TSPAN18: variants seen among roughly 807,000 people sequenced by gnomAD.
TSPAN18 encodes tetraspanin 18.
In TSPAN18, 14 loss-of-function variants were observed where a neutral mutation model predicts 27.3. That is an observed-to-expected ratio of 0.51 (90% CI 0.34 to 0.80). The LOEUF (loss-of-function observed/expected upper bound fraction) is 0.80. Among genes scored for constraint, TSPAN18 ranks in the 30% least tolerant of loss-of-function variants. TSPAN18 has a pLI of 0.01. For missense variants in TSPAN18, 268 were observed against 323.9 expected (o/e 0.83, Z 1.32); for synonymous variants, 143 against 136.5 (o/e 1.05, Z -0.33).
chr11:44,896,887 C>A (rs904322273), intron 3 of TSPAN18, among the ~76,000 whole-genome samples: 1 of 152,146 alleles, frequency 6.6e-6, no homozygotes, highest in Non-Finnish European at 1.5e-5. Context: ...ACTCAGTGTA[C>A]GTCTACTGAG....
At chr11:44,742,168 G>A (rs543775331) in intron 1 of TSPAN18, among the ~76,000 whole-genome samples, 6 of 151,944 alleles carry the variant, frequency 3.9e-5, no homozygotes, top group African/African-American at 1.4e-4. Context: ...GGCCTTTTCC[G>A]TTGTATGGAA....
chr11:44,886,938 G>A (rs949324265), intron 3 of TSPAN18, among the ~76,000 whole-genome samples: 6 of 152,184 alleles, frequency 3.9e-5, no homozygotes, highest in African/African-American at 9.7e-5. Context: ...TTGTTTGCAC[G>A]TGTCTCTGTG....
chr11:44,805,813 C>A (rs1007626238), intron 2 of TSPAN18, among the ~76,000 whole-genome samples: 1 of 152,112 alleles, frequency 6.6e-6, no homozygotes, highest in Non-Finnish European at 1.5e-5. Flanking sequence ...TTTGGCATTC[C>A]GTGGTTTGTA....
At chr11:44,791,612 G>A (rs560131965) in intron 2 of TSPAN18, among the ~76,000 whole-genome samples, 1 of 152,176 alleles carries the variant, frequency 6.6e-6, no homozygotes, top group African/African-American at 2.4e-5. Context: ...TCTGTGGACT[G>A]TCTCCTCCTC....
chr11:44,895,572 A>T (rs760172369), intron 3 of TSPAN18, among the ~76,000 whole-genome samples: 12 of 152,184 alleles, frequency 7.9e-5, no homozygotes, highest in Non-Finnish European at 1.8e-4. Flanking sequence ...GAGGACAAAG[A>T]AAAAAAGGGA....
chr11:44,814,761 G>A (rs192675525), intron 2 of TSPAN18, among the ~76,000 whole-genome samples: 6 of 152,294 alleles, frequency 3.9e-5, no homozygotes, highest in Admixed American at 3.9e-4. Context: ...AGGAGTACAA[G>A]CTATGAACAG....
At chr11:44,768,023 G>A (rs113730232) in intron 2 of TSPAN18, among the ~76,000 whole-genome samples, 128 of 152,294 alleles carry the variant, frequency 8.4e-4, no homozygotes, top group African/African-American at 3.0e-3. Flanking sequence ...AACTCTTAAA[G>A]TTGGGTAGTG....
chr11:44,867,119 A>G (rs1047879356), intron 3 of TSPAN18, among the ~76,000 whole-genome samples: 1 of 152,188 alleles, frequency 6.6e-6, no homozygotes, highest in Non-Finnish European at 1.5e-5. Context: ...TCCTCAGACC[A>G]GCATCACCAG....
chr11:44,774,646 T>A (rs989359941), intron 2 of TSPAN18, among the ~76,000 whole-genome samples: 1 of 152,168 alleles, frequency 6.6e-6, no homozygotes, highest in Non-Finnish European at 1.5e-5. Context: ...TCTTCCCTCC[T>A]TATTTCCCTC....
chr11:44,769,039 C>G (rs986483078), intron 2 of TSPAN18, among the ~76,000 whole-genome samples: 4 of 151,996 alleles, frequency 2.6e-5, no homozygotes, highest in East Asian at 3.9e-4. Flanking sequence ...AGATTACAGG[C>G]GCATGCTACC....
chr11:44,908,774 A>AGAAAGAAG (rs1859569559), intron 4 of TSPAN18, among the ~76,000 whole-genome samples: 1 of 92,636 alleles, frequency 1.1e-5, no homozygotes, highest in African/African-American at 4.8e-5. Context: ...GAAAGGAGAA[A>AGAAAGAAG]GAAAGAAAGA....
chr11:44,780,869 C>T (rs1855921936), intron 2 of TSPAN18, among the ~76,000 whole-genome samples: 1 of 152,172 alleles, frequency 6.6e-6, no homozygotes. Flanking sequence ...AAAACAGGGC[C>T]CCACAACTTG....
chr11:44,833,544 T>G (rs1203390953), intron 2 of TSPAN18, among the ~76,000 whole-genome samples: 1 of 152,220 alleles, frequency 6.6e-6, no homozygotes, highest in African/African-American at 2.4e-5. Context: ...AGAATCGTTA[T>G]TTGAATGATT....
intron 2 of TSPAN18, among the ~76,000 whole-genome samples, chr11:44,776,073 G>A (rs1855799891): frequency 6.6e-6 from 1 of 152,190 alleles, no homozygotes; most frequent in Non-Finnish European, 1.5e-5. Flanking sequence ...GGGGCGTCTG[G>A]GCACACTGTT....
chr11:44,876,722 T>C (rs1437989106), intron 3 of TSPAN18, among the ~76,000 whole-genome samples: 2 of 152,212 alleles, frequency 1.3e-5, no homozygotes, highest in Admixed American at 1.3e-4. Context: ...AAAATAGAAA[T>C]CATTTGAGTA....
chr11:44,775,664 G>A (rs770323913), intron 2 of TSPAN18, among the ~76,000 whole-genome samples: 2 of 152,170 alleles, frequency 1.3e-5, no homozygotes, highest in Non-Finnish European at 2.9e-5. Flanking sequence ...GCGTCCGCCA[G>A]CATCTTTGGC....
chr11:44,775,398 G>A (rs553827978), intron 2 of TSPAN18, among the ~76,000 whole-genome samples: 2 of 152,286 alleles, frequency 1.3e-5, no homozygotes, highest in African/African-American at 4.8e-5. Flanking sequence ...TGGCTAATAT[G>A]TTCCTCTCCC....
chr11:44,861,190 C>T (rs1192480698), intron 3 of TSPAN18, among the ~76,000 whole-genome samples: 1 of 151,992 alleles, frequency 6.6e-6, no homozygotes, highest in African/African-American at 2.4e-5. Flanking sequence ...ACCTGCAGAT[C>T]CAGACTGACG....
intron 2 of TSPAN18, among the ~76,000 whole-genome samples, chr11:44,785,555 CT>C (rs1423654377): frequency 6.6e-6 from 1 of 151,514 alleles, no homozygotes; most frequent in Non-Finnish European, 1.5e-5. Context: ...CTTTTATCCC[CT>C]CAAATGCCTC....
Sources: gnomAD v4.1 joint callset for allele counts (sites outside exome capture counted in the v4.1 genomes callset) on GRCh38, gnomAD v4.1.1 for gene constraint, MANE v1.5 for transcripts, NCBI Gene and HGNC (gene_info 2026-07-23, HGNC 2026-07-21) for gene names.